Variants in EPS15 observed in about 807,000 individuals in gnomAD.
EPS15 encodes the protein epidermal growth factor receptor pathway substrate 15.
In EPS15, 72 loss-of-function variants were observed where a neutral mutation model predicts 113.8. The ratio of observed to expected loss-of-function variants is 0.63; its 90% CI spans 0.52 to 0.77. The LOEUF (loss-of-function observed/expected upper bound fraction) is 0.77. Ranked by LOEUF, EPS15 falls within the 30% of genes least tolerant of loss-of-function variation. The pLI is 0.00. For synonymous variants in EPS15, 344 were observed against 363.4 expected, an observed-to-expected ratio of 0.95 and a Z score of 0.61; for missense variants, 1,048 against 1,045.8, an observed-to-expected ratio of 1.00 and a Z score of -0.03.
chr1:51,449,348 A>G (rs1211249941), intron 8 of EPS15, among the ~76,000 whole-genome samples: 1 of 152,198 alleles, frequency 6.6e-6, no homozygotes, highest in African/African-American at 2.4e-5. Context: ...ACAGAAAAAC[A>G]AATACCATAT....
At chr1:51,410,406 AG>A (rs1050755058) in intron 13 of EPS15, among the ~76,000 whole-genome samples, 5 of 152,054 alleles carry the variant, frequency 3.3e-5, no homozygotes, top group African/African-American at 4.8e-5. Context: ...AAAAAAAAAA[AG>A]AAAAATTAAT....
chr1:51,442,220 G>T (rs1557473388), intron 11 of EPS15, among the ~76,000 whole-genome samples: 1 of 152,050 alleles, frequency 6.6e-6, no homozygotes, highest in Non-Finnish European at 1.5e-5. Flanking sequence ...TATGAGCTAG[G>T]CCTGGCCAGA....
chr1:51,356,591 CA>C lies in EPS15; in HGVS notation c.*108del, dbSNP rs1646222651. 1 of 921,830 alleles carries C rather than the reference CA, an allele frequency of 1.1e-6. No homozygotes were observed. Among genetic ancestry groups the C allele is most frequent in the Admixed American group, 3.0e-5 (1 of 32,878 alleles). The allele number at this position is 921,830 out of a possible 1,614,324, so 57.1% of individuals were successfully genotyped here. A position where few individuals can be genotyped will look rare whatever the true frequency, so the allele number is the denominator to read the frequency against. On this transcript the variant is annotated 3_prime_UTR_variant, in exon 25 of 25. Coordinates refer to ENST00000371733, the MANE Select transcript of EPS15 (RefSeq NM_001981.3). The stretch of plus-strand genomic sequence containing the variant: ...AATTTTGTCACATTTACAGGAATCT[CA>C]AACCTTTTGTATTCCCATGCTCACA...
At position 51,444,876 on chromosome 1, in the gene EPS15, T is replaced by A. The variant is rs376880414; in HGVS notation, c.954+13A>T. 1.7e-4 allele frequency: 268 copies of A among 1,609,122 alleles called. No homozygotes were observed. Among genetic ancestry groups the A allele is most frequent in the Non-Finnish European group, 2.1e-4 (252 of 1,177,864 alleles). On this transcript the variant is annotated intron_variant, in intron 11 of 24. Transcript: ENST00000371733. Reference sequence around the variant, plus strand: ...AAATTAATACATTCAGGTTTCCTTTTAAGCTTTCTTACCTTTTGTAAACTG... The same window carrying A: ...AAATTAATACATTCAGGTTTCCTTTAAAGCTTTCTTACCTTTTGTAAACTG...
intron 12 of EPS15, among the ~76,000 whole-genome samples, chr1:51,436,190 G>C (rs1056960593): frequency 1.3e-5 from 2 of 152,192 alleles, no homozygotes; most frequent in Non-Finnish European, 2.9e-5. Flanking sequence ...AATGCCAAGA[G>C]AACACCATGA....
At chr1:51,405,580 C>G (rs551246775) in intron 16 of EPS15, among the ~76,000 whole-genome samples, 1 of 152,110 alleles carries the variant, frequency 6.6e-6, no homozygotes, top group East Asian at 1.9e-4. Flanking sequence ...TGACTGTAAT[C>G]CCAGCTACTC....
In EPS15 at chr1:51,472,850, G is replaced by A. The variant is rs751635528; in HGVS notation, c.165+9C>T. On this transcript the variant is annotated intron_variant, in intron 3 of 24. Transcript: ENST00000371733. ...AACTTATAATCTAGTTATAATGAAC[G>A]AATACTACCTTTCCAAGTATCAAGT... is the stretch of plus-strand genomic sequence containing the variant. The A allele has an allele frequency of 1.9e-6, 3 of 1,599,528 alleles. No individual in the cohort carries two copies. The highest frequency in any genetic ancestry group is 1.1e-5 in the South Asian group (1 of 90,750).
intron 1 of EPS15, among the ~76,000 whole-genome samples, chr1:51,505,657 T>C (rs1227628361): frequency 6.6e-6 from 1 of 152,118 alleles, no homozygotes; most frequent in Non-Finnish European, 1.5e-5. Context: ...GTAAGTTGTA[T>C]GGTATGTGAA....
chr1:51,484,806 G>A (rs562114088), intron 1 of EPS15, among the ~76,000 whole-genome samples: 3 of 152,198 alleles, frequency 2.0e-5, no homozygotes, highest in Admixed American at 6.6e-5. Flanking sequence ...CAGTGCAGTG[G>A]CATGTACAGT....
intron 8 of EPS15, among the ~76,000 whole-genome samples, chr1:51,448,798 C>T (rs1486127466): frequency 6.6e-6 from 1 of 151,904 alleles, no homozygotes; most frequent in African/African-American, 2.4e-5. Context: ...GTAGTAGCAT[C>T]AAAAAAATAA....
chr1:51,421,791 C>T lies in EPS15; in HGVS notation c.1108G>A (p.Val370Ile), dbSNP rs1276394699. Residue 370 changes from valine (V) to isoleucine (I), a missense_variant, in exon 13 of 25, where the codon GTT becomes ATT. Val to Ile is a conservative substitution (Grantham distance 29). Transcript: ENST00000371733. ...TAAATTTTATGGTCACTTACCTGAA[C>T]CTCACTTGTCCTCTGTTTAATAGTA... The part of the protein sequence containing the change: ...EDTIKQRTSE[V>I]QDLQDEVQRE... 6.3e-7 allele frequency: 1 copy of T among 1,579,658 alleles called. No homozygotes were observed. Among genetic ancestry groups the T allele is most frequent in the Admixed American group, 1.7e-5 (1 of 57,814 alleles).
intron 1 of EPS15, among the ~76,000 whole-genome samples, chr1:51,515,481 C>CAA (rs111828890): frequency 8.7e-6 from 1 of 115,394 alleles, no homozygotes; most frequent in Non-Finnish European, 2.0e-5. Flanking sequence ...CAAAACAAAA[C>CAA]AAAAAAAAAA....
chr1:51,462,641 G>T (rs1654549026), intron 7 of EPS15, among the ~76,000 whole-genome samples: 1 of 151,998 alleles, frequency 6.6e-6, no homozygotes. Context: ...GGCAAAGGGG[G>T]CTAAGGATAG....
At chr1:51,510,848 G>A (rs55831531) in intron 1 of EPS15, among the ~76,000 whole-genome samples, 4,579 of 152,234 alleles carry the variant, frequency 0.03, 76 homozygotes, top group African/African-American at 0.05. Context: ...AGTATATCTT[G>A]TATGTCCTAA....
chr1:51,485,820 T>C (rs1179794819), intron 1 of EPS15, among the ~76,000 whole-genome samples: 1 of 152,156 alleles, frequency 6.6e-6, no homozygotes, highest in East Asian at 1.9e-4. Flanking sequence ...TTTTTTGAGA[T>C]GGAGTTCGCT....
chr1:51,357,927 T>C (rs149052003), intron 24 of EPS15, among the ~76,000 whole-genome samples: 4 of 152,046 alleles, frequency 2.6e-5, no homozygotes, highest in South Asian at 4.2e-4. Context: ...TTAGTAGAGA[T>C]AGGGTTTCTT....
intron 8 of EPS15, chr1:51,458,346 C>G (rs1654171611): frequency 6.5e-6 from 1 of 153,136 alleles, no homozygotes; most frequent in Admixed American, 6.6e-5. Context: ...GGAATAGGCT[C>G]CAGGCATATA....
intron 11 of EPS15, among the ~76,000 whole-genome samples, 178 bp from the exon 12 acceptor site, chr1:51,440,610 A>G (rs993505426): frequency 2.0e-5 from 3 of 151,974 alleles, no homozygotes; most frequent in Non-Finnish European, 2.9e-5. Flanking sequence ...ATACTTAATT[A>G]TATAGTAAGA....
intron 8 of EPS15, among the ~76,000 whole-genome samples, chr1:51,451,724 G>T (rs994788568): frequency 6.7e-6 from 1 of 149,048 alleles, no homozygotes; most frequent in Non-Finnish European, 1.5e-5. Flanking sequence ...CATACAGACT[G>T]TCCCAGAATA....
Sources: allele counts gnomAD v4.1 joint callset (sites outside exome capture counted in the v4.1 genomes callset), GRCh38; gene constraint gnomAD v4.1.1; transcripts MANE v1.5; gene names NCBI Gene and HGNC (gene_info 2026-07-23, HGNC 2026-07-21).